Variants in LRP6 observed in about 807,000 individuals in gnomAD.
LRP6 encodes low-density lipoprotein receptor-related protein 6.
A neutral mutation model predicts 184.1 loss-of-function variants in LRP6; 43 were observed. That is an observed-to-expected ratio of 0.23 (90% CI 0.18 to 0.30). The LOEUF (loss-of-function observed/expected upper bound fraction) is 0.30. Ranked by LOEUF, LRP6 falls within the 10% of genes least tolerant of loss-of-function variation. The pLI is 1.00. For missense variants in LRP6, 1,571 were observed against 2,005.3 expected (o/e 0.78, Z 4.14); for synonymous variants, 719 against 684.9 (o/e 1.05, Z -0.78).
intron 15 of LRP6, among the ~76,000 whole-genome samples, chr12:12,141,447 T>A (rs1949933189): frequency 6.6e-6 from 1 of 152,132 alleles, no homozygotes; most frequent in Admixed American, 6.5e-5. Context: ...GAAAGCAAAT[T>A]ATCAACCAAG....
At chr12:12,214,884 T>C (rs1337002374) in intron 2 of LRP6, among the ~76,000 whole-genome samples, 2 of 152,234 alleles carry the variant, frequency 1.3e-5, no homozygotes, top group Non-Finnish European at 2.9e-5. Context: ...ATCAAATAAC[T>C]GAAACTCACC....
At chr12:12,243,318 T>C (rs1368332496) in intron 2 of LRP6, among the ~76,000 whole-genome samples, 1 of 152,238 alleles carries the variant, frequency 6.6e-6, no homozygotes, top group African/African-American at 2.4e-5. Context: ...ATTGCAAATA[T>C]ATGTTTAGCT....
chr12:12,247,391 T>C (rs992561186), intron 1 of LRP6, among the ~76,000 whole-genome samples: 2 of 152,362 alleles, frequency 1.3e-5, no homozygotes, highest in African/African-American at 2.4e-5. Context: ...TTAACACTTC[T>C]ACGTGTACTG....
intron 12 of LRP6, among the ~76,000 whole-genome samples, chr12:12,155,957 T>C (rs1360744923): frequency 6.6e-6 from 1 of 152,176 alleles, no homozygotes; most frequent in Non-Finnish European, 1.5e-5. Flanking sequence ...AGTGTTATTC[T>C]AAGGCACATA....
At position 12,117,278 on chromosome 12, in the gene LRP6, T is replaced by G. The variant is rs1328709643; in HGVS notation, c.*3848A>C. ...TCTTTAGGACTCAGTCCACACTTAG[T>G]GCATAGTCTCATCTGTAGATGCCCA... On this transcript the variant is annotated 3_prime_UTR_variant, in exon 23 of 23. Transcript: ENST00000261349. 2.6e-5 allele frequency: 4 copies of G among 152,224 alleles called. No homozygotes were observed. The East Asian group carries it at 7.7e-4, about 29-fold the overall frequency. 9.4% of individuals were successfully genotyped at this position (152,224 alleles called of 1,614,324 possible). A position where few individuals can be genotyped will look rare whatever the true frequency, so the allele number is the denominator to read the frequency against.
intron 2 of LRP6, among the ~76,000 whole-genome samples, chr12:12,217,709 A>G (rs1169515816): frequency 2.0e-5 from 3 of 152,168 alleles, no homozygotes; most frequent in Non-Finnish European, 4.4e-5. Flanking sequence ...TTTAAAAGAA[A>G]TGAAAATCCA....
intron 7 of LRP6, among the ~76,000 whole-genome samples, chr12:12,171,623 C>A (rs189649616): frequency 6.6e-5 from 10 of 152,076 alleles, no homozygotes; most frequent in Non-Finnish European, 1.0e-4. Flanking sequence ...TAAGGATCCT[C>A]CGAAGAGATT....
chr12:12,170,814 C>T (rs1863015381), intron 7 of LRP6, among the ~76,000 whole-genome samples: 1 of 150,790 alleles, frequency 6.6e-6, no homozygotes, highest in Non-Finnish European at 1.5e-5. Flanking sequence ...CACACACACA[C>T]ACACACACAC....
At chr12:12,127,460 AAGCTAAAGATAAGCCTC>A (rs1204016687) in intron 19 of LRP6, among the ~76,000 whole-genome samples, 5 of 152,206 alleles carry the variant, frequency 3.3e-5, no homozygotes, top group South Asian at 2.1e-4. Flanking sequence ...TGAAAACTGG[AAGCTAAAGATAAGCCTC>A]AGCTCTCAAA....
In LRP6 at chr12:12,187,223, C is replaced by G. The variant is rs1031800558; in HGVS notation, c.648-104G>C. The G allele has an allele frequency of 1.8e-5, 17 of 923,538 alleles. No individual in the cohort carries two copies. The African/African-American group carries it at 2.6e-4, about 14-fold the overall frequency. The allele number at this position is 923,538 out of a possible 1,614,324, so 57.2% of individuals were successfully genotyped here. On this transcript the variant is annotated intron_variant, in intron 3 of 22. Coordinates refer to ENST00000261349, the MANE Select transcript of LRP6 (RefSeq NM_002336.3). ...TGATCTTAGTTCACATTAACACATA[C>G]AAATCTTGAGTAATACATACCAATA... is the stretch of plus-strand genomic sequence containing the variant.
intron 1 of LRP6, among the ~76,000 whole-genome samples, chr12:12,258,303 T>A (rs568342453): frequency 6.6e-6 from 1 of 152,164 alleles, no homozygotes; most frequent in East Asian, 1.9e-4. Flanking sequence ...TTTTTATAGA[T>A]GTTTCCCAGG....
intron 2 of LRP6, among the ~76,000 whole-genome samples, chr12:12,242,414 A>C (rs535015808): frequency 6.6e-6 from 1 of 152,324 alleles, no homozygotes; most frequent in South Asian, 2.1e-4. Flanking sequence ...CAGTGGTAAA[A>C]TTGAACTTGT....
intron 5 of LRP6, among the ~76,000 whole-genome samples, chr12:12,181,768 G>C (rs937339412): frequency 3.3e-5 from 5 of 152,100 alleles, no homozygotes; most frequent in African/African-American, 1.2e-4. Flanking sequence ...TAAAGGAGAA[G>C]GAAATGTAGG....
At chr12:12,170,449 G>C (rs76433846) in intron 7 of LRP6, among the ~76,000 whole-genome samples, 1 of 148,442 alleles carries the variant, frequency 6.7e-6, no homozygotes, top group Non-Finnish European at 1.5e-5. Flanking sequence ...TGACATTTAT[G>C]GTTTTTTTTT....
chr12:12,204,234 CACTACAAAACAG>C (rs1030189835), intron 2 of LRP6, among the ~76,000 whole-genome samples: 2 of 123,370 alleles, frequency 1.6e-5, no homozygotes, highest in African/African-American at 6.1e-5. Flanking sequence ...AGTCGAGAGA[CACTACAAAACAG>C]TTGGTCTTTG....
chr12:12,227,299 G>T (rs187826790), intron 2 of LRP6, among the ~76,000 whole-genome samples: 1 of 152,114 alleles, frequency 6.6e-6, no homozygotes, highest in East Asian at 1.9e-4. Context: ...AATGTTAAAA[G>T]TAGTTCTTCA....
chr12:12,166,933 A>G (rs1220895612), intron 7 of LRP6, among the ~76,000 whole-genome samples: 1 of 152,116 alleles, frequency 6.6e-6, no homozygotes, highest in Non-Finnish European at 1.5e-5. Context: ...CCCTGTCTCT[A>G]CAAAAATACC....
At chr12:12,243,387 C>T (rs1865110389) in intron 2 of LRP6, among the ~76,000 whole-genome samples, 1 of 152,052 alleles carries the variant, frequency 6.6e-6, no homozygotes, top group Non-Finnish European at 1.5e-5. Context: ...CATTAAATAA[C>T]GCTTCAGAGT....
intron 2 of LRP6, among the ~76,000 whole-genome samples, chr12:12,229,102 G>A (rs753070139): frequency 3.9e-5 from 6 of 152,082 alleles, no homozygotes; most frequent in South Asian, 4.1e-4. Context: ...CCGGCACAAC[G>A]GTTCACACCT....
Sources: allele counts gnomAD v4.1 joint callset (sites outside exome capture counted in the v4.1 genomes callset), GRCh38; gene constraint gnomAD v4.1.1; transcripts MANE v1.5; gene names NCBI Gene and HGNC (gene_info 2026-07-23, HGNC 2026-07-21).